KCNMA1: variants seen among roughly 807,000 people sequenced by gnomAD.
KCNMA1 encodes Calcium-activated potassium channel subunit alpha-1.
A neutral mutation model predicts 140.0 loss-of-function variants in KCNMA1; 29 were observed. The observed-to-expected ratio is 0.21, with a 90% CI of 0.15 to 0.28. KCNMA1 has a LOEUF of 0.28. Among genes scored for constraint, KCNMA1 ranks in the 10% least tolerant of loss-of-function variants. KCNMA1 has a pLI of 1.00. For synonymous variants in KCNMA1, 612 were observed against 611.9 expected (o/e 1.00, Z 0.00); for missense variants, 880 against 1,602.2 (o/e 0.55, Z 7.70).
At chr10:77,539,509 A>C (rs2059689466) in intron 1 of KCNMA1, among the ~76,000 whole-genome samples, 1 of 152,186 alleles carries the variant, frequency 6.6e-6, no homozygotes, top group African/African-American at 2.4e-5. Context: ...TAAATGGCAG[A>C]TTTGGGAGAC....
chr10:77,025,433 G>A (rs1466037131), intron 16 of KCNMA1: 23 of 1,602,048 alleles, frequency 1.4e-5, no homozygotes, highest in Admixed American at 3.4e-5. Flanking sequence ...AAAAGTTAAC[G>A]AAGAGTGCAT....
intron 5 of KCNMA1, among the ~76,000 whole-genome samples, chr10:77,173,843 T>C (rs2098729831): frequency 6.6e-6 from 1 of 152,134 alleles, no homozygotes; most frequent in Non-Finnish European, 1.5e-5. Flanking sequence ...CTTCGGGCAC[T>C]GTCACTGAGA....
At chr10:77,553,437 G>C (rs1433516480) in intron 1 of KCNMA1, among the ~76,000 whole-genome samples, 4 of 152,162 alleles carry the variant, frequency 2.6e-5, no homozygotes, top group Non-Finnish European at 4.4e-5. Context: ...CCTCTAGTGA[G>C]ATGAATGTTC....
intron 1 of KCNMA1, among the ~76,000 whole-genome samples, chr10:77,590,135 T>C (rs1603637850): frequency 6.6e-6 from 1 of 152,172 alleles, no homozygotes. Flanking sequence ...AGATACAGAG[T>C]GCCGACTGGT....
chr10:76,961,173 C>T (rs773107573), intron 20 of KCNMA1, among the ~76,000 whole-genome samples: 1 of 150,792 alleles, frequency 6.6e-6, no homozygotes, highest in Non-Finnish European at 1.5e-5. Flanking sequence ...TAAGAACATT[C>T]GTGATTCATG....
intron 1 of KCNMA1, among the ~76,000 whole-genome samples, chr10:77,539,006 C>T (rs536740601): frequency 4.2e-4 from 64 of 152,290 alleles, no homozygotes; most frequent in Non-Finnish European, 8.2e-4. Flanking sequence ...TCACCACCCA[C>T]GGTCCTACAT....
intron 23 of KCNMA1, among the ~76,000 whole-genome samples, chr10:76,938,828 C>A (rs1248386437): frequency 6.6e-6 from 1 of 152,112 alleles, no homozygotes; most frequent in Admixed American, 6.6e-5. Context: ...CTTCCATTCG[C>A]TCCGTCTCAA....
At chr10:77,518,183 T>C (rs1382326387) in intron 1 of KCNMA1, among the ~76,000 whole-genome samples, 2 of 152,174 alleles carry the variant, frequency 1.3e-5, no homozygotes, top group Admixed American at 1.3e-4. Flanking sequence ...AGGTTCCCCA[T>C]TGCACTCACA....
chr10:77,452,588 C>A (rs1382034657), intron 1 of KCNMA1, among the ~76,000 whole-genome samples: 3 of 152,164 alleles, frequency 2.0e-5, no homozygotes, highest in Non-Finnish European at 4.4e-5. Flanking sequence ...AAGGGAAAAT[C>A]CTGTCAGGGA....
At chr10:76,948,325 G>C (rs2064999588) in intron 22 of KCNMA1, among the ~76,000 whole-genome samples, 1 of 152,146 alleles carries the variant, frequency 6.6e-6, no homozygotes, top group Admixed American at 6.5e-5. Context: ...CAGTTTCAGG[G>C]ATGTGAACTT....
intron 14 of KCNMA1, among the ~76,000 whole-genome samples, chr10:77,041,366 G>A (rs1594539667): frequency 8.8e-5 from 1 of 11,420 alleles, no homozygotes; most frequent in Non-Finnish European, 1.5e-4. Flanking sequence ...GGGTTTCACC[G>A]TGTTAGCCAG....
chr10:77,258,415 C>A (rs2061268145), intron 2 of KCNMA1, among the ~76,000 whole-genome samples: 1 of 152,138 alleles, frequency 6.6e-6, no homozygotes, highest in African/African-American at 2.4e-5. Flanking sequence ...CATGGATCAG[C>A]TTTCTCCTGA....
intron 3 of KCNMA1, among the ~76,000 whole-genome samples, chr10:77,207,271 C>G (rs1480895496): frequency 6.6e-6 from 1 of 152,084 alleles, no homozygotes; most frequent in Admixed American, 6.5e-5. Flanking sequence ...TTTACAATGA[C>G]AAAATTGTTC....
At chr10:77,018,795 A>G (rs956856414) in intron 17 of KCNMA1, among the ~76,000 whole-genome samples, 3 of 152,188 alleles carry the variant, frequency 2.0e-5, no homozygotes, top group Admixed American at 6.6e-5. Flanking sequence ...AAAATAAATG[A>G]GCAGGTAACT....
At chr10:76,896,382 C>T (rs186778508) in intron 25 of KCNMA1, among the ~76,000 whole-genome samples, 2 of 152,296 alleles carry the variant, frequency 1.3e-5, no homozygotes, top group South Asian at 2.1e-4. Context: ...CTGAAAATTG[C>T]TGTTATCCTG....
At chr10:77,046,752 G>A (rs1285055248) in intron 14 of KCNMA1, among the ~76,000 whole-genome samples, 26 of 152,032 alleles carry the variant, frequency 1.7e-4, no homozygotes, top group Non-Finnish European at 4.4e-5. Flanking sequence ...TAGCCTCTTC[G>A]TTCTTCAGTA....
At chr10:76,987,439 G>A (rs1425071243) in intron 19 of KCNMA1, among the ~76,000 whole-genome samples, 1 of 152,208 alleles carries the variant, frequency 6.6e-6, no homozygotes, top group East Asian at 1.9e-4. Context: ...TAAAAGGCCA[G>A]ATAGTAAATA....
At chr10:77,359,958 T>A (rs1435431001) in intron 2 of KCNMA1, among the ~76,000 whole-genome samples, 1 of 151,964 alleles carries the variant, frequency 6.6e-6, no homozygotes, top group African/African-American at 2.4e-5. Context: ...GGCAAAGATG[T>A]ATAAAAAAAG....
At chr10:77,277,389 C>T (rs2066973821) in intron 2 of KCNMA1, among the ~76,000 whole-genome samples, 1 of 152,154 alleles carries the variant, frequency 6.6e-6, no homozygotes, top group Non-Finnish European at 1.5e-5. Flanking sequence ...GGATTGAGGG[C>T]ACTGTCCAGC....
Sources: gnomAD v4.1 joint callset for allele counts (sites outside exome capture counted in the v4.1 genomes callset) on GRCh38, gnomAD v4.1.1 for gene constraint, MANE v1.5 for transcripts, NCBI Gene and HGNC (gene_info 2026-07-23, HGNC 2026-07-21) for gene names.